ABHD18: variants seen among roughly 807,000 people sequenced by gnomAD.
The protein encoded by ABHD18 is abhydrolase domain containing 18, also known as cardiolipin-specific deacylase, mitochondrial.
ABHD18 carries 55 observed loss-of-function variants against 65.9 expected under a neutral mutation model. That is an observed-to-expected ratio of 0.84 (90% CI 0.67 to 1.05). The LOEUF is 1.05. ABHD18 is among the 50% of genes least tolerant of loss of function. The pLI is 0.00. For missense variants in ABHD18, 533 were observed against 558.5 expected (o/e 0.95, Z 0.46); for synonymous variants, 181 against 180.2 (o/e 1.00, Z -0.04).
At chr4:128,032,733 A>G (rs1283444956) in intron 12 of ABHD18, among the ~76,000 whole-genome samples, 1 of 152,104 alleles carries the variant, frequency 6.6e-6, no homozygotes, top group African/African-American at 2.4e-5. Flanking sequence ...TGTCTCAAAA[A>G]ATGAATGAAT....
At chr4:128,005,828 C>T (rs963678987) in intron 4 of ABHD18, among the ~76,000 whole-genome samples, 1 of 152,176 alleles carries the variant, frequency 6.6e-6, no homozygotes, top group African/African-American at 2.4e-5. Flanking sequence ...CTTCCCTTAT[C>T]TCATCTTCTT....
Position 128,009,125 on chromosome 4 carries a change from A to C in ABHD18, c.376A>C (p.Thr126Pro). ...TGDHHYWRRR[T>P]LMARPMIKEA... The stretch of plus-strand genomic sequence containing the variant: ...TCCTTAGCATTACTGGAGGCGACGA[A>C]CACTAATGGCCCGTCCTATGATTAA... Residue 126 changes from threonine to proline, a missense_variant, in exon 6 of 13, where the codon ACA becomes CCA. By Grantham distance (38) the Thr-to-Pro change is conservative. Transcript: ENST00000645843. 1 of 1,572,958 alleles carries C rather than the reference A, an allele frequency of 6.4e-7. No individual in the cohort carries two copies. Among genetic ancestry groups the C allele is most frequent in the Non-Finnish European group, 8.6e-7 (1 of 1,168,158 alleles).
At chr4:127,980,825 C>CAAAAAAAAA (rs768450115) in intron 1 of ABHD18, among the ~76,000 whole-genome samples, 2 of 46,556 alleles carry the variant, frequency 4.3e-5, no homozygotes, top group African/African-American at 1.3e-4. Context: ...GACTGCATCT[C>CAAAAAAAAA]AAAAAAAAAA....
At chr4:128,027,626 G>A (rs189595630) in intron 10 of ABHD18, among the ~76,000 whole-genome samples, 6 of 152,116 alleles carry the variant, frequency 3.9e-5, no homozygotes, top group Admixed American at 1.3e-4. Flanking sequence ...GGATGGTGTC[G>A]ATCTCCTGAC....
chr4:128,026,458 C>CAA lies in ABHD18; in HGVS notation c.802-2002_802-2001dup, dbSNP rs1196814395. On this transcript the variant is annotated intron_variant, in intron 10 of 12. Transcript: ENST00000645843. Reference sequence around the variant, plus strand: ...TGGGTGACAGAGTAAGACTCCACCTCAAAAAAAAAAAAAAAAGAGCAGTTT... The same window carrying CAA: ...TGGGTGACAGAGTAAGACTCCACCTCAAAAAAAAAAAAAAAAAAGAGCAGTTT... Among the ~76,000 whole-genome samples the CAA allele has an allele frequency of 7.3e-3, 748 of 102,166 alleles. 10 individuals are homozygous for CAA. Among genetic ancestry groups the CAA allele is most frequent in the African/African-American group, 0.026 (709 of 27,530 alleles). 67.0% of individuals were successfully genotyped at this position (102,166 alleles called of 152,430 possible).
At chr4:128,009,915 A>C (rs1347731875) in intron 6 of ABHD18, among the ~76,000 whole-genome samples, 20 of 152,222 alleles carry the variant, frequency 1.3e-4, no homozygotes, top group Admixed American at 1.3e-3. Context: ...AAATAGCTAA[A>C]TGTCTAAAAT....
rs775144265 is a variant in ABHD18, at chr4:128,030,590, C to G, written c.1261C>G (p.Gln421Glu). The G allele has an allele frequency of 6.2e-7, 1 of 1,608,156 alleles. No individual in the cohort carries two copies. The highest frequency in any genetic ancestry group is 1.7e-5 in the Admixed American group (1 of 57,572). Reference protein sequence around the residue: ...YIPRTGVRSLQEIWPGCEIRY... With the variant: ...YIPRTGVRSLEEIWPGCEIRY... ...TCCACGAACAGGAGTTCGAAGTTTA[C>G]AAGAAATTTGGCCTGGTTGTGAAAT... Residue 421 changes from glutamine (Q) to glutamate (E), a missense_variant, in exon 12 of 13, where the codon CAA becomes GAA. Physicochemically the swap from Gln to Glu is conservative, Grantham distance 29. Around this residue, in one of 3 missense-constraint regions of ABHD18, gnomAD observed 220 missense variants for 226.8 expected, o/e 0.97. Transcript: ENST00000645843.
At chr4:127,995,552 TACA>T (rs1044357484) in intron 4 of ABHD18, among the ~76,000 whole-genome samples, 2 of 152,132 alleles carry the variant, frequency 1.3e-5, no homozygotes, top group African/African-American at 2.4e-5. Context: ...AATTAAATTT[TACA>T]ACATTTTAAA....
intron 4 of ABHD18, among the ~76,000 whole-genome samples, chr4:127,992,055 C>T (rs1432570446): frequency 1.3e-5 from 2 of 152,182 alleles, no homozygotes; most frequent in African/African-American, 2.4e-5. Flanking sequence ...TGGAATTAAA[C>T]AGATCTGGAA....
intron 4 of ABHD18, among the ~76,000 whole-genome samples, chr4:128,006,675 A>G (rs1339373401): frequency 1.3e-5 from 2 of 152,232 alleles, no homozygotes; most frequent in African/African-American, 4.8e-5. Flanking sequence ...ACGAACTGCT[A>G]AGGAAATTAA....
rs374739409 is a variant in ABHD18, at chr4:128,009,087, G to C, written c.358-20G>C. ...GTGGCTACTATATTCTTTTGAGTAT[G>C]TGTTCTTTTCTTTCCTTAGCATTAC... On this transcript the variant is annotated intron_variant, in intron 5 of 12. Coordinates refer to ENST00000645843, the MANE Select transcript of ABHD18 (RefSeq NM_001358451.3). 1.9e-6 allele frequency: 3 copies of C among 1,585,286 alleles called. No homozygotes were observed. The African/African-American group carries it at 4.1e-5, about 22-fold the overall frequency.
rs1378687047 is a variant in ABHD18, at chr4:128,020,186, T to G, written c.699+17T>G. 1 of 1,576,480 alleles carries G rather than the reference T, an allele frequency of 6.3e-7. No homozygotes were observed. Among genetic ancestry groups the G allele is most frequent in the African/African-American group, 1.4e-5 (1 of 73,890 alleles). On this transcript the variant is annotated intron_variant, in intron 9 of 12. Transcript: ENST00000645843. ...TTCACTACGGTAATTTAATTGTAATTAATATTAGGTAGCTATATATAATTA... is the reference window on the plus strand; with the variant it reads ...TTCACTACGGTAATTTAATTGTAATGAATATTAGGTAGCTATATATAATTA...
chr4:127,982,987 G>A lies in ABHD18; in HGVS notation c.32G>A (p.Arg11Gln), dbSNP rs758565519. The A allele has an allele frequency of 1.5e-5, 23 of 1,566,096 alleles. No homozygotes were observed. In the East Asian group the frequency reaches 3.3e-4, roughly 22 times the overall value. ...GTGAGCAAGTTAGATATTCTATACC[G>A]GAGACTTCTCCTAACAAAACTTTTT... MGVSKLDILY[R>Q]RLLLTKLFIR... is the part of the protein sequence containing the mutation. Residue 11 changes from arginine (R) to glutamine (Q), a missense_variant, in exon 2 of 13, where the codon CGG becomes CAG. Coordinates refer to ENST00000645843, the MANE Select transcript of ABHD18 (RefSeq NM_001358451.3).
intron 10 of ABHD18, among the ~76,000 whole-genome samples, chr4:128,021,589 G>T (rs1165319067): frequency 6.7e-6 from 1 of 150,298 alleles, no homozygotes; most frequent in Non-Finnish European, 1.5e-5. Flanking sequence ...AGGAGGCAGA[G>T]GTTGCAGTGA....
chr4:128,034,924 T>A (rs1009871946), intron 12 of ABHD18, among the ~76,000 whole-genome samples: 1 of 152,170 alleles, frequency 6.6e-6, no homozygotes, highest in African/African-American at 2.4e-5. Flanking sequence ...AGTGCTGGGA[T>A]TACAGGCTTG....
intron 4 of ABHD18, among the ~76,000 whole-genome samples, chr4:127,997,414 T>C (rs909687804): frequency 9.9e-5 from 15 of 152,144 alleles, no homozygotes; most frequent in Non-Finnish European, 1.5e-4. Flanking sequence ...GATATTTTTA[T>C]TTTAAAAAGG....
At chr4:128,032,723 T>A (rs1210858893) in intron 12 of ABHD18, among the ~76,000 whole-genome samples, 1 of 152,140 alleles carries the variant, frequency 6.6e-6, no homozygotes, top group Non-Finnish European at 1.5e-5. Context: ...AGTGAGACTC[T>A]GTCTCAAAAA....
intron 4 of ABHD18, among the ~76,000 whole-genome samples, chr4:128,003,916 C>G (rs1293051426): frequency 1.3e-5 from 2 of 148,908 alleles, no homozygotes; most frequent in African/African-American, 2.5e-5. Context: ...TGCACTTCAG[C>G]CTGGGTAACA....
At chr4:128,008,139 G>A (rs1258868319) in intron 4 of ABHD18, among the ~76,000 whole-genome samples, 2 of 151,790 alleles carry the variant, frequency 1.3e-5, no homozygotes, top group East Asian at 3.9e-4. Flanking sequence ...GTGTGGGCCT[G>A]TACTCCTAGC....
Sources: gnomAD v4.1 joint callset for allele counts (sites outside exome capture counted in the v4.1 genomes callset) on GRCh38, gnomAD v4.1.1 for gene constraint, gnomAD v4.1.1 regional missense constraint, MANE v1.5 for transcripts, NCBI Gene and HGNC (gene_info 2026-07-23, HGNC 2026-07-21) for gene names.